The following B3GAT3 variants were observed in gnomAD, a reference collection of about 807,000 sequenced individuals.
B3GAT3 encodes the protein beta-1,3-glucuronyltransferase 3.
In B3GAT3, 19 loss-of-function variants were observed where a neutral mutation model predicts 33.1. The ratio of observed to expected loss-of-function variants is 0.57; its 90% CI spans 0.40 to 0.84. The LOEUF is 0.84. Among genes scored for constraint, B3GAT3 ranks in the 40% least tolerant of loss-of-function variants. The probability of loss-of-function intolerance (pLI) is 0.00; values close to 1 mark genes in which losing one functional copy is unlikely to be tolerated. For missense variants in B3GAT3, 344 were observed against 441.5 expected, an observed-to-expected ratio of 0.78 and a Z score of 1.98; for synonymous variants, 167 against 193.5, an observed-to-expected ratio of 0.86 and a Z score of 1.14.
chr11:62,619,869 G>C (rs1943112715), intron 2 of B3GAT3, among the ~76,000 whole-genome samples: 1 of 151,528 alleles, frequency 6.6e-6, no homozygotes, highest in African/African-American at 2.4e-5. Flanking sequence ...TAATCAGGGG[G>C]TTTTAACTTT....
At chr11:62,620,750 A>G in intron 1 of B3GAT3, 79 bp from the exon 2 acceptor site, 2 of 1,388,740 alleles carry the variant, frequency 1.4e-6, no homozygotes, top group Non-Finnish European at 2.0e-6. Context: ...AAGGGCCGTA[A>G]TCGTCTCATT....
In B3GAT3 at chr11:62,615,370, C is replaced by A. The variant is rs1482533637; in HGVS notation, c.*331G>T. ...CAGGTGGGAAGGGTCCAGCCCAGCT[C>A]CTCCAGCCCCCCAGTGCATGCCCAG... On this transcript the variant is annotated 3_prime_UTR_variant, in exon 5 of 5. Coordinates refer to ENST00000265471, the MANE Select transcript of B3GAT3 (RefSeq NM_012200.4). 4.2e-6 allele frequency: 2 copies of A among 481,726 alleles called. No homozygotes were observed. The highest frequency in any genetic ancestry group is 6.7e-5 in the Admixed American group (2 of 29,908). 29.8% of individuals were successfully genotyped at this position (481,726 alleles called of 1,614,324 possible).
chr11:62,616,268 G>T (rs1312705405), intron 4 of B3GAT3: 11 of 629,130 alleles, frequency 1.7e-5, no homozygotes, highest in Non-Finnish European at 1.9e-5. Flanking sequence ...ACAACAAACA[G>T]GGCCTTATTC....
chr11:62,616,177 G>A (rs1385283139), intron 4 of B3GAT3: 2 of 534,448 alleles, frequency 3.7e-6, no homozygotes, highest in African/African-American at 3.8e-5. Flanking sequence ...CCGGGAGGCG[G>A]AGCTTGCGCT....
At chr11:62,617,413 G>A in intron 2 of B3GAT3, 66 bp from the exon 3 acceptor site, 3 of 1,597,000 alleles carry the variant, frequency 1.9e-6, no homozygotes, top group Middle Eastern at 1.7e-4. Context: ...AGCCAGGGCA[G>A]ACAGCTTCTC....
chr11:62,616,269 G>T, intron 4 of B3GAT3: 1 of 635,644 alleles, frequency 1.6e-6, no homozygotes, highest in South Asian at 1.9e-5. Flanking sequence ...CAACAAACAG[G>T]GCCTTATTCC....
rs548851801 is a variant in B3GAT3 at position 62,616,039 on chromosome 11, T to G, written c.910-240A>C. ...AAGGCGGATCACGAGGTCAGGAGAT[T>G]GAGACCATCCTGGCTAACACCGTGA... On this transcript the variant is annotated intron_variant, in intron 4 of 4. Coordinates refer to ENST00000265471, the MANE Select transcript of B3GAT3 (RefSeq NM_012200.4). The G allele has an allele frequency of 4.0e-5, 50 of 1,255,250 alleles. No individual in the cohort carries two copies. The African/African-American group carries it at 6.2e-4, about 16-fold the overall frequency. The allele number at this position is 1,255,250 out of a possible 1,614,324, so 77.8% of individuals were successfully genotyped here.
chr11:62,619,453 T>C (rs1490496397), intron 2 of B3GAT3, among the ~76,000 whole-genome samples: 2 of 152,026 alleles, frequency 1.3e-5, no homozygotes, highest in African/African-American at 4.8e-5. Flanking sequence ...TGTAAATCAC[T>C]AAATACAGTG....
At chr11:62,618,660 CAA>C (rs1048788405) in intron 2 of B3GAT3, among the ~76,000 whole-genome samples, 8 of 112,492 alleles carry the variant, frequency 7.1e-5, no homozygotes, top group Non-Finnish European at 7.4e-5. Context: ...GACTCCATCT[CAA>C]AAAAAAAAAA....
chr11:62,621,748 G>T (rs1156479393), intron 1 of B3GAT3, 118 bp downstream of exon 1: 4 of 1,130,456 alleles, frequency 3.5e-6, no homozygotes, highest in Admixed American at 2.8e-5. Flanking sequence ...AGGCCGCAGA[G>T]CTGTCCGGAG....
chr11:62,615,901 A>G (rs1455473986), intron 4 of B3GAT3, 102 bp from the exon 5 acceptor site: 102 of 1,545,136 alleles, frequency 6.6e-5, no homozygotes, highest in South Asian at 3.9e-4. Flanking sequence ...CATATACAGT[A>G]TAGGCTTCAA....
At position 62,616,137 on chromosome 11, in the gene B3GAT3, G is replaced by A. The variant is rs562460084; in HGVS notation, c.910-338C>T. On this transcript the variant is annotated intron_variant, in intron 4 of 4. Transcript: ENST00000265471. ...CGGGTGCCTGTAGTCCCAGCTACTT[G>A]GGAGGCTGAGGCAGGAGAATGGTGT... is the stretch of plus-strand genomic sequence containing the variant. 9 of 553,506 alleles carry A rather than the reference G, an allele frequency of 1.6e-5. No homozygotes were observed. The East Asian group carries it at 2.5e-4, about 15-fold the overall frequency. The allele number at this position is 553,506 out of a possible 1,614,324, so 34.3% of individuals were successfully genotyped here. A position where few individuals can be genotyped will look rare whatever the true frequency, so the allele number is the denominator to read the frequency against.
intron 2 of B3GAT3, 82 bp downstream of exon 2, chr11:62,620,415 G>C: frequency 7.6e-7 from 1 of 1,320,244 alleles, no homozygotes; most frequent in Non-Finnish European, 1.1e-6. Context: ...ACAACTCCTA[G>C]CCCAGTGCCT....
intron 2 of B3GAT3, among the ~76,000 whole-genome samples, chr11:62,618,177 CAAAAAAAA>C (rs150492409): frequency 1.7e-4 from 8 of 46,272 alleles, no homozygotes; most frequent in Admixed American, 2.8e-4. Context: ...AACTCTGTCT[CAAAAAAAA>C]AAAAAAAAAA....
chr11:62,619,463 G>A (rs558278678), intron 2 of B3GAT3, among the ~76,000 whole-genome samples: 12 of 151,912 alleles, frequency 7.9e-5, no homozygotes, highest in Non-Finnish European at 1.3e-4. Context: ...TAAATACAGT[G>A]CCTGCTAGAG....
chr11:62,619,724 T>TTTTTTTTTTTTTTTTG (rs1554969086), intron 2 of B3GAT3, among the ~76,000 whole-genome samples: 1 of 137,134 alleles, frequency 7.3e-6, no homozygotes, highest in African/African-American at 2.8e-5. Context: ...TTTTTTTTTT[T>TTTTTTTTTTTTTTTTG]CAGAGACAAG....
At chr11:62,615,972 C>G (rs533839950) in intron 4 of B3GAT3, 173 bp from the exon 5 acceptor site, 3 of 1,483,188 alleles carry the variant, frequency 2.0e-6, no homozygotes, top group African/African-American at 2.8e-5. Flanking sequence ...TGGCCGGGCG[C>G]GTGGCTCACG....
Position 62,617,237 on chromosome 11 carries a change from C to T in B3GAT3, c.368G>A (p.Gly123Glu), listed in dbSNP as rs780224230. The change falls in exon 3 of 5, where the codon GGG becomes GAG. Residue 123 changes from glycine (G) to glutamate (E), a missense_variant. Transcript: ENST00000265471. Reference protein sequence around the residue: ...DAEGPTPLVSGLLAASGLLFT... With the variant: ...DAEGPTPLVSELLAASGLLFT... ...GAGGAGGCCAGAGGCAGCCAGCAGC[C>T]CTGAGACCAGCGGGGTGGGACCCTC... The T allele has an allele frequency of 1.9e-6, 3 of 1,613,480 alleles. No individual in the cohort carries two copies. Among genetic ancestry groups the T allele is most frequent in the Non-Finnish European group, 2.5e-6 (3 of 1,179,868 alleles).
chr11:62,621,814 G>A, intron 1 of B3GAT3, 52 bp downstream of exon 1: 2 of 1,525,272 alleles, frequency 1.3e-6, no homozygotes, highest in Non-Finnish European at 1.8e-6. Context: ...GGGATGCACG[G>A]CGGCGGGCGC....
Sources: gnomAD v4.1 joint callset for allele counts (sites outside exome capture counted in the v4.1 genomes callset) on GRCh38, gnomAD v4.1.1 for gene constraint, MANE v1.5 for transcripts, NCBI Gene and HGNC (gene_info 2026-07-23, HGNC 2026-07-21) for gene names.